The following MTUS2 variants were observed in gnomAD, a reference collection of about 807,000 sequenced individuals.
MTUS2 encodes the protein microtubule associated scaffold protein 2, also known as microtubule-associated tumor suppressor candidate 2.
Under a neutral mutation model 114.1 loss-of-function variants are expected in MTUS2, and 40 were observed. That is an observed-to-expected ratio of 0.35 (90% CI 0.27 to 0.46). MTUS2 has a LOEUF of 0.46. Ranked by LOEUF, MTUS2 falls within the 20% of genes least tolerant of loss-of-function variation. The pLI is 1.00. For missense variants in MTUS2, 1,679 were observed against 1,705.4 expected, an observed-to-expected ratio of 0.98 and a Z score of 0.27; for synonymous variants, 688 against 672.0, an observed-to-expected ratio of 1.02 and a Z score of -0.37.
intron 9 of MTUS2, among the ~76,000 whole-genome samples, chr13:29,461,895 A>G (rs1469207723): frequency 1.3e-5 from 2 of 152,188 alleles, no homozygotes; most frequent in Non-Finnish European, 1.5e-5. Context: ...ACAAGGGGCT[A>G]TTGGTCTGCT....
chr13:29,419,744 T>A (rs1016978636), intron 8 of MTUS2, among the ~76,000 whole-genome samples: 1 of 152,222 alleles, frequency 6.6e-6, no homozygotes, highest in Admixed American at 6.5e-5. Context: ...AGGGTCTTCT[T>A]CAGGACACAT....
intron 4 of MTUS2, among the ~76,000 whole-genome samples, chr13:29,038,997 A>T (rs1241201070): frequency 6.6e-6 from 1 of 152,208 alleles, no homozygotes; most frequent in Non-Finnish European, 1.5e-5. Context: ...GGTGATGCTC[A>T]GGAGTGGTGG....
At chr13:29,375,730 G>T (rs1236808996) in intron 8 of MTUS2, among the ~76,000 whole-genome samples, 1 of 149,280 alleles carries the variant, frequency 6.7e-6, no homozygotes, top group African/African-American at 2.5e-5. Context: ...TCTAAGGGGG[G>T]TTACTCAGTA....
At chr13:29,306,895 C>A in intron 6 of MTUS2, 1 of 513,408 alleles carries the variant, frequency 1.9e-6, no homozygotes, top group South Asian at 1.5e-5. Flanking sequence ...CTTCATTGAC[C>A]TCAACTACAT....
chr13:29,405,633 G>T (rs918878444), intron 8 of MTUS2, among the ~76,000 whole-genome samples: 1 of 152,100 alleles, frequency 6.6e-6, no homozygotes, highest in Non-Finnish European at 1.5e-5. Flanking sequence ...GGAATGTCTT[G>T]CTACCAGCGA....
At chr13:28,862,602 A>G (rs1208148980) in intron 2 of MTUS2, among the ~76,000 whole-genome samples, 1 of 152,204 alleles carries the variant, frequency 6.6e-6, no homozygotes, top group Non-Finnish European at 1.5e-5. Flanking sequence ...GCGGCAGAGC[A>G]AGACTCCCAC....
chr13:29,302,197 C>T (rs1200353199), intron 6 of MTUS2, among the ~76,000 whole-genome samples: 1 of 152,202 alleles, frequency 6.6e-6, no homozygotes, highest in Non-Finnish European at 1.5e-5. Context: ...GCAAACAACA[C>T]AAACCAGAGA....
Position 28,928,240 on chromosome 13 carries a change from A to G in MTUS2, c.-243+88390A>G, listed in dbSNP as rs141270909. Among the ~76,000 whole-genome samples the G allele has an allele frequency of 4.2e-3, 642 of 152,336 alleles. 6 individuals carry two copies. Among genetic ancestry groups the G allele is most frequent in the African/African-American group, 0.015 (619 of 41,582 alleles). On this transcript the variant is annotated intron_variant, in intron 2 of 15. Transcript: ENST00000612955. ...CATCAAAAGCAGAGATAACCAAGGC[A>G]AAAACAGACAAACGGGATTACAGCA...
At chr13:29,123,904 C>T (rs185700938) in intron 5 of MTUS2, among the ~76,000 whole-genome samples, 7 of 152,312 alleles carry the variant, frequency 4.6e-5, no homozygotes, top group African/African-American at 1.7e-4. Context: ...ATGCCCACTG[C>T]CCTCATTCCA....
At chr13:29,371,832 T>C (rs972903803) in intron 8 of MTUS2, among the ~76,000 whole-genome samples, 3 of 152,168 alleles carry the variant, frequency 2.0e-5, no homozygotes, top group African/African-American at 7.2e-5. Context: ...GCCATAGGTC[T>C]CATGATCAAT....
intron 6 of MTUS2, among the ~76,000 whole-genome samples, chr13:29,293,020 T>C (rs546515339): frequency 6.4e-4 from 98 of 152,340 alleles, no homozygotes; most frequent in African/African-American, 2.1e-3. Context: ...TTAATTTTTT[T>C]CTGACAATGA....
chr13:28,891,016 C>A (rs1043188783), intron 2 of MTUS2, among the ~76,000 whole-genome samples: 1 of 152,232 alleles, frequency 6.6e-6, no homozygotes, highest in Non-Finnish European at 1.5e-5. Context: ...TTCCCAGAGT[C>A]TCCTCTTCAT....
chr13:28,866,179 G>GCACGGAGCTTGTGTCTGGTACGA (rs1877286210), intron 2 of MTUS2, among the ~76,000 whole-genome samples: 1 of 152,182 alleles, frequency 6.6e-6, no homozygotes, highest in African/African-American at 2.4e-5. Flanking sequence ...GCACATGTGA[G>GCACGGAGCTTGTGTCTGGTACGA]CACGGAGCTT....
chr13:29,216,177 G>C (rs1368878517), intron 5 of MTUS2, among the ~76,000 whole-genome samples: 2 of 152,228 alleles, frequency 1.3e-5, no homozygotes, highest in South Asian at 2.1e-4. Context: ...CGTTTACACT[G>C]TGAGGGGAAA....
intron 2 of MTUS2, among the ~76,000 whole-genome samples, chr13:28,932,679 C>T (rs369797012): frequency 6.6e-6 from 1 of 152,138 alleles, no homozygotes; most frequent in African/African-American, 2.4e-5. Context: ...AGCTGAGCTT[C>T]AACCCATGTG....
chr13:28,934,364 A>G (rs1243840629), intron 2 of MTUS2, among the ~76,000 whole-genome samples: 1 of 152,068 alleles, frequency 6.6e-6, no homozygotes, highest in Non-Finnish European at 1.5e-5. Flanking sequence ...ACTTTTCTAG[A>G]TTCACTCACT....
At chr13:29,223,379 T>C (rs562472888) in intron 5 of MTUS2, among the ~76,000 whole-genome samples, 3 of 152,196 alleles carry the variant, frequency 2.0e-5, no homozygotes, top group East Asian at 3.9e-4. Flanking sequence ...GAACAGATGA[T>C]GGATGCCCTG....
chr13:29,007,470 G>T (rs912600697), intron 2 of MTUS2, among the ~76,000 whole-genome samples: 1 of 152,136 alleles, frequency 6.6e-6, no homozygotes, highest in Non-Finnish European at 1.5e-5. Context: ...GTCTTACTGC[G>T]TATTCTTACT....
chr13:29,221,696 T>C (rs1311044677), intron 5 of MTUS2, among the ~76,000 whole-genome samples: 1 of 152,160 alleles, frequency 6.6e-6, no homozygotes, highest in African/African-American at 2.4e-5. Flanking sequence ...AAATTTATCA[T>C]TCTTTTTCAT....
Sources: allele counts gnomAD v4.1 joint callset (sites outside exome capture counted in the v4.1 genomes callset), GRCh38; gene constraint gnomAD v4.1.1; transcripts MANE v1.5; gene names NCBI Gene and HGNC (gene_info 2026-07-23, HGNC 2026-07-21).